Variants in LEKR1 observed in about 807,000 individuals in gnomAD.
LEKR1 encodes the protein protein LEKR1.
LEKR1 carries 59 observed loss-of-function variants against 72.4 expected under a neutral mutation model. The observed-to-expected ratio is 0.82, with a 90% CI of 0.66 to 1.01. LEKR1 has a LOEUF of 1.01. LEKR1 is among the 50% of genes least tolerant of loss of function. The pLI, the probability that LEKR1 is intolerant of heterozygous loss-of-function variation, is 0.00. For synonymous variants in LEKR1, 257 were observed against 263.2 expected, an observed-to-expected ratio of 0.98 and a Z score of 0.23; for missense variants, 728 against 759.2, an observed-to-expected ratio of 0.96 and a Z score of 0.48.
At position 156,932,910 on chromosome 3, in the gene LEKR1, G is replaced by A. The variant is rs142609394; in HGVS notation, c.559+5306G>A. On this transcript the variant is annotated intron_variant, in intron 5 of 12. Transcript: ENST00000356539. The stretch of plus-strand genomic sequence containing the variant: ...CCAGGCGTGGTGGCGGGCACCTGTA[G>A]TCCCAGCAGCTTGGGAGGCTGAGGC... Among the ~76,000 whole-genome samples the A allele has an allele frequency of 2.8e-3, 422 of 151,638 alleles. 2 individuals carry two copies. The highest frequency in any genetic ancestry group is 9.8e-3 in the African/African-American group (406 of 41,328).
intron 3 of LEKR1, among the ~76,000 whole-genome samples, chr3:156,883,076 A>G (rs62275242): frequency 0.032 from 4,838 of 152,154 alleles, 117 homozygotes; most frequent in Non-Finnish European, 0.047. Flanking sequence ...TGGGTGCAGC[A>G]CACCAGCATG....
At chr3:156,912,884 T>A (rs1038242597) in intron 3 of LEKR1, among the ~76,000 whole-genome samples, 1 of 152,170 alleles carries the variant, frequency 6.6e-6, no homozygotes, top group African/African-American at 2.4e-5. Flanking sequence ...GGTTCCCTGG[T>A]ATGAGTTTAT....
intron 3 of LEKR1, among the ~76,000 whole-genome samples, chr3:156,865,494 A>G (rs1717201433): frequency 6.6e-6 from 1 of 151,918 alleles, no homozygotes; most frequent in Non-Finnish European, 1.5e-5. Flanking sequence ...TTCCCATATC[A>G]CCTTCCTCTT....
At chr3:156,868,507 A>G (rs530827022) in intron 3 of LEKR1, among the ~76,000 whole-genome samples, 33 of 152,162 alleles carry the variant, frequency 2.2e-4, no homozygotes, top group African/African-American at 7.7e-4. Context: ...GCAAAGAAAC[A>G]GGTAGAGGAA....
chr3:156,847,138 A>G (rs1714715329), intron 2 of LEKR1, among the ~76,000 whole-genome samples: 1 of 152,224 alleles, frequency 6.6e-6, no homozygotes, highest in South Asian at 2.1e-4. Flanking sequence ...AGAGAATGCC[A>G]CAGTTGGGCA....
intron 2 of LEKR1, among the ~76,000 whole-genome samples, chr3:156,842,245 A>G (rs554353812): frequency 1.3e-5 from 2 of 152,346 alleles, no homozygotes; most frequent in African/African-American, 2.4e-5. Context: ...GTGAAGAAAC[A>G]AAGACTTTTT....
chr3:156,918,320 A>G (rs527865432), intron 3 of LEKR1, among the ~76,000 whole-genome samples: 1 of 152,262 alleles, frequency 6.6e-6, no homozygotes, highest in South Asian at 2.1e-4. Context: ...TCTTTAAAGG[A>G]CGACACCTTC....
Position 156,899,601 on chromosome 3 carries a change from C to CAT in LEKR1, c.264-20974_264-20973insAT, listed in dbSNP as rs747014529. ...ACATATACATGTATATATACATATA[C>CAT]GTATATATACACACATATATACACA... On this transcript the variant is annotated intron_variant, in intron 3 of 12. Transcript: ENST00000356539. 1.6e-3 allele frequency among the ~76,000 whole-genome samples: 183 copies of CAT among 115,188 alleles called. 10 individuals carry two copies. Among genetic ancestry groups the CAT allele is most frequent in the African/African-American group, 6.0e-3 (162 of 27,198 alleles). The allele number at this position is 115,188 out of a possible 152,430, so 75.6% of individuals were successfully genotyped here. A position where few individuals can be genotyped will look rare whatever the true frequency, so the allele number is the denominator to read the frequency against.
At chr3:156,992,860 C>G (rs1731245531) in intron 8 of LEKR1, 130 bp downstream of exon 8, 1 of 361,726 alleles carries the variant, frequency 2.8e-6, no homozygotes, top group Non-Finnish European at 4.8e-6. Context: ...ATACCTAATT[C>G]AAGCTTATAT....
intron 9 of LEKR1, among the ~76,000 whole-genome samples, 182 bp from the exon 10 acceptor site, chr3:157,011,231 G>A (rs544807595): frequency 6.6e-6 from 1 of 152,116 alleles, no homozygotes; most frequent in South Asian, 2.1e-4. Flanking sequence ...CATAATACAA[G>A]TGCTGCATAG....
intron 7 of LEKR1, among the ~76,000 whole-genome samples, chr3:156,982,854 TGTAGATAG>T (rs745872454): frequency 1.6e-5 from 2 of 123,804 alleles, no homozygotes; most frequent in African/African-American, 7.4e-5. Context: ...TGTGTGTGTG[TGTAGATAG>T]ATAGATAGAT....
intron 7 of LEKR1, among the ~76,000 whole-genome samples, chr3:156,984,426 C>G (rs1730499118): frequency 1.3e-5 from 2 of 152,156 alleles, no homozygotes; most frequent in South Asian, 4.1e-4. Context: ...CCTGTAATCT[C>G]AACACTTTGG....
intron 6 of LEKR1, among the ~76,000 whole-genome samples, chr3:156,963,344 C>T (rs1728287285): frequency 6.6e-6 from 1 of 152,208 alleles, no homozygotes; most frequent in South Asian, 2.1e-4. Context: ...CGTGGGCACA[C>T]TCCTCCCTAC....
chr3:156,933,294 G>A (rs1725415703), intron 5 of LEKR1, among the ~76,000 whole-genome samples: 1 of 151,914 alleles, frequency 6.6e-6, no homozygotes, highest in Non-Finnish European at 1.5e-5. Context: ...TTGGATATAT[G>A]TTTTTGTTAT....
At chr3:156,870,209 T>C (rs1016819388) in intron 3 of LEKR1, among the ~76,000 whole-genome samples, 3 of 151,940 alleles carry the variant, frequency 2.0e-5, no homozygotes, top group Non-Finnish European at 4.4e-5. Context: ...TCCACGCAAA[T>C]TTTAAGATTT....
chr3:156,895,130 A>G (rs995061035), intron 3 of LEKR1, among the ~76,000 whole-genome samples: 1 of 152,334 alleles, frequency 6.6e-6, no homozygotes, highest in East Asian at 1.9e-4. Context: ...AATTTTTGCA[A>G]TCTATTCATC....
At chr3:156,946,731 A>G (rs903835212) in intron 6 of LEKR1, among the ~76,000 whole-genome samples, 5 of 151,362 alleles carry the variant, frequency 3.3e-5, no homozygotes, top group African/African-American at 1.2e-4. Context: ...TGTTAATATA[A>G]TGTATCACAC....
chr3:156,995,859 A>G (rs2108011622), intron 9 of LEKR1, among the ~76,000 whole-genome samples: 1 of 152,286 alleles, frequency 6.6e-6, no homozygotes, highest in East Asian at 1.9e-4. Flanking sequence ...TTTTTTAAAA[A>G]TGTCCTTGTA....
chr3:156,828,964 G>A (rs144540937), intron 1 of LEKR1, among the ~76,000 whole-genome samples: 1 of 152,198 alleles, frequency 6.6e-6, no homozygotes, highest in South Asian at 2.1e-4. Flanking sequence ...ACTGAAATGT[G>A]TATTTAAAAT....
Sources: allele counts gnomAD v4.1 joint callset (sites outside exome capture counted in the v4.1 genomes callset), GRCh38; gene constraint gnomAD v4.1.1; transcripts MANE v1.5; gene names NCBI Gene and HGNC (gene_info 2026-07-23, HGNC 2026-07-21).